The following DCUN1D3 variants were observed in gnomAD, a reference collection of about 807,000 sequenced individuals.
DCUN1D3 encodes defective in cullin neddylation 1 domain containing 3, also known as DCN1-like protein 3.
In DCUN1D3, 6 loss-of-function variants were observed where a neutral mutation model predicts 24.8. That is an observed-to-expected ratio of 0.24 (90% confidence interval 0.13 to 0.48). DCUN1D3 has a LOEUF of 0.48. Ranked by LOEUF, DCUN1D3 falls within the 20% of genes least tolerant of loss-of-function variation. DCUN1D3 has a pLI of 0.99. For missense variants in DCUN1D3, 258 were observed against 379.4 expected, an observed-to-expected ratio of 0.68 and a Z score of 2.66; for synonymous variants, 120 against 144.9, an observed-to-expected ratio of 0.83 and a Z score of 1.24.
Position 20,855,652 on chromosome 16 carries a change from A to T in DCUN1D3, c.*4234T>A, listed in dbSNP as rs1057008887. On this transcript the variant is annotated 3_prime_UTR_variant, in exon 3 of 3. Coordinates refer to ENST00000324344, the MANE Select transcript of DCUN1D3 (RefSeq NM_173475.4). ...TCTATTTCATCTTTCGAAAAGGGGG[A>T]AAACCCCTGCCGATCCTCACCAACA... 6.6e-6 allele frequency: 1 copy of T among 152,188 alleles called. No individual in the cohort carries two copies. The highest frequency in any genetic ancestry group is 2.4e-5 in the African/African-American group (1 of 41,436). The allele number at this position is 152,188 out of a possible 1,614,324, so 9.4% of individuals were successfully genotyped here.
intron 1 of DCUN1D3, among the ~76,000 whole-genome samples, chr16:20,889,031 C>G (rs1227761642): frequency 1.3e-5 from 2 of 152,134 alleles, no homozygotes; most frequent in South Asian, 2.1e-4. Context: ...AATTCGAGAC[C>G]AGTCTGGCCA....
chr16:20,883,183 T>A (rs2081852871), intron 1 of DCUN1D3, among the ~76,000 whole-genome samples: 1 of 152,194 alleles, frequency 6.6e-6, no homozygotes. Flanking sequence ...GTTTCAGAGT[T>A]TCAGTAACTT....
chr16:20,856,633 G>A lies in DCUN1D3; in HGVS notation c.*3253C>T, dbSNP rs1000391026. ...GGTTTCCTGGACCCAACTCACACAG[G>A]TGGGCAGCACTTCAGCTGCTGAGAC... On this transcript the variant is annotated 3_prime_UTR_variant, in exon 3 of 3. Transcript: ENST00000324344. 1.3e-5 allele frequency: 2 copies of A among 152,126 alleles called. No homozygotes were observed. Among genetic ancestry groups the A allele is most frequent in the South Asian group, 2.1e-4 (1 of 4,826 alleles). 9.4% of individuals were successfully genotyped at this position (152,126 alleles called of 1,614,324 possible). A position where few individuals can be genotyped will look rare whatever the true frequency, so the allele number is the denominator to read the frequency against.
At chr16:20,875,210 G>GCACACACACACACA (rs3222584) in intron 1 of DCUN1D3, among the ~76,000 whole-genome samples, 8 of 140,256 alleles carry the variant, frequency 5.7e-5, no homozygotes, top group Non-Finnish European at 7.8e-5. Context: ...GTGCGCTCAT[G>GCACACACACACACA]CACACACACA....
intron 1 of DCUN1D3, among the ~76,000 whole-genome samples, chr16:20,864,691 G>A (rs180905265): frequency 1.3e-5 from 2 of 152,270 alleles, no homozygotes; most frequent in Admixed American, 6.5e-5. Context: ...ACACGCATGC[G>A]AATGTTCACT....
chr16:20,884,154 G>T (rs2081858098), intron 1 of DCUN1D3, among the ~76,000 whole-genome samples: 1 of 152,100 alleles, frequency 6.6e-6, no homozygotes, highest in South Asian at 2.1e-4. Context: ...TAAATGTGTG[G>T]TCTCGAATGC....
intron 1 of DCUN1D3, among the ~76,000 whole-genome samples, chr16:20,885,909 G>T (rs1233755634): frequency 1.3e-5 from 2 of 152,080 alleles, no homozygotes; most frequent in Non-Finnish European, 2.9e-5. Context: ...AAGCAATTAG[G>T]CTTTTTCTCC....
chr16:20,898,901 T>A (rs1384227693), intron 1 of DCUN1D3, among the ~76,000 whole-genome samples: 1 of 152,238 alleles, frequency 6.6e-6, no homozygotes. Flanking sequence ...TGATTTTTTT[T>A]AAACCAACAG....
intron 1 of DCUN1D3, among the ~76,000 whole-genome samples, chr16:20,887,046 G>T (rs2081870873): frequency 6.6e-6 from 1 of 152,198 alleles, no homozygotes; most frequent in Non-Finnish European, 1.5e-5. Context: ...GGGCGCTGTG[G>T]CTCACACCTG....
chr16:20,896,502 G>A lies in DCUN1D3; in HGVS notation c.-106+3702C>T, dbSNP rs920386045. ...CCAAACACAATTAGTAGCCAATGTA[G>A]GAGACAATGGCTTCTCCTTGTGTTC... On this transcript the variant is annotated intron_variant, in intron 1 of 2. Transcript: ENST00000324344. 3 of 152,266 alleles carry A rather than the reference G, an allele frequency of 2.0e-5. No individual in the cohort carries two copies. In the East Asian group the frequency reaches 5.8e-4, roughly 29 times the overall value. The allele number at this position is 152,266 out of a possible 1,614,324, so 9.4% of individuals were successfully genotyped here.
At position 20,859,552 on chromosome 16, in the gene DCUN1D3, A is replaced by AAAC. The variant is rs1555496325; in HGVS notation, c.*333_*334insGTT. 1.8e-4 allele frequency: 32 copies of AAAC among 174,956 alleles called. No individual in the cohort carries two copies. The highest frequency in any genetic ancestry group is 7.7e-4 in the African/African-American group (31 of 40,122). The allele number at this position is 174,956 out of a possible 1,614,324, so 10.8% of individuals were successfully genotyped here. A position where few individuals can be genotyped will look rare whatever the true frequency, so the allele number is the denominator to read the frequency against. ...TGCCCTCCCCTACCAAAAAAAAAAAAAAAAAAACAAAAAAAAACAAAAAAA... is the reference window on the plus strand; with the variant it reads ...TGCCCTCCCCTACCAAAAAAAAAAAAAACAAAAAAACAAAAAAAAACAAAAAAA... On this transcript the variant is annotated 3_prime_UTR_variant, in exon 3 of 3. Coordinates refer to ENST00000324344, the MANE Select transcript of DCUN1D3 (RefSeq NM_173475.4).
chr16:20,886,369 CT>C (rs1185464803), intron 1 of DCUN1D3, among the ~76,000 whole-genome samples: 6 of 152,178 alleles, frequency 3.9e-5, no homozygotes, highest in Non-Finnish European at 8.8e-5. Flanking sequence ...ACCATCCCAT[CT>C]ACTGTTCACC....
chr16:20,898,501 C>T (rs2081930419), intron 1 of DCUN1D3, among the ~76,000 whole-genome samples: 1 of 152,166 alleles, frequency 6.6e-6, no homozygotes, highest in East Asian at 1.9e-4. Context: ...GAACTGTGAA[C>T]TTTTTAGTCA....
At chr16:20,879,249 ATAAAAAATAGTACCGGCTTGTT>A (rs1399421846) in intron 1 of DCUN1D3, among the ~76,000 whole-genome samples, 1 of 152,240 alleles carries the variant, frequency 6.6e-6, no homozygotes, top group African/African-American at 2.4e-5. Context: ...TCAGTGAGTC[ATAAAAAATAGTACCGGCTTGTT>A]TAACAGTGAT....
intron 1 of DCUN1D3, among the ~76,000 whole-genome samples, chr16:20,884,507 A>T (rs2081859746): frequency 6.6e-6 from 1 of 152,212 alleles, no homozygotes; most frequent in South Asian, 2.1e-4. Flanking sequence ...CCTGACATCT[A>T]CAAGTAAGGT....
chr16:20,870,604 A>AG lies in DCUN1D3; in HGVS notation c.-105-7962dup, dbSNP rs571043613. On this transcript the variant is annotated intron_variant, in intron 1 of 2. Coordinates refer to ENST00000324344, the MANE Select transcript of DCUN1D3 (RefSeq NM_173475.4). ...ACAGGAGGCAAATGCTGGCACCAAAAGTCAGTGTCAGCAAAGCACTTGAGA... is the reference window on the plus strand; with the variant it reads ...ACAGGAGGCAAATGCTGGCACCAAAAGGTCAGTGTCAGCAAAGCACTTGAGA... Among the ~76,000 whole-genome samples, 736 of 152,338 alleles carry AG rather than the reference A, an allele frequency of 4.8e-3. 4 individuals carry two copies. The highest frequency in any genetic ancestry group is 0.027 in the Middle Eastern group (8 of 294).
At chr16:20,892,659 T>G (rs147852163) in intron 1 of DCUN1D3, among the ~76,000 whole-genome samples, 1 of 152,046 alleles carries the variant, frequency 6.6e-6, no homozygotes, top group Non-Finnish European at 1.5e-5. Flanking sequence ...TCACAGGAAA[T>G]GGAAGTCTGG....
intron 1 of DCUN1D3, among the ~76,000 whole-genome samples, chr16:20,882,990 T>A (rs2081851956): frequency 9.7e-6 from 1 of 102,948 alleles, no homozygotes; most frequent in Non-Finnish European, 2.0e-5. Flanking sequence ...TGAGTATCCC[T>A]TATCCCAAAT....
rs1313793734 is a variant in DCUN1D3 at position 20,855,659 on chromosome 16, C to T, written c.*4227G>A. 6.6e-6 allele frequency: 1 copy of T among 152,200 alleles called. No individual in the cohort carries two copies. The highest frequency in any genetic ancestry group is 1.5e-5 in the Non-Finnish European group (1 of 68,046). 9.4% of individuals were successfully genotyped at this position (152,200 alleles called of 1,614,324 possible). A position where few individuals can be genotyped will look rare whatever the true frequency, so the allele number is the denominator to read the frequency against. On this transcript the variant is annotated 3_prime_UTR_variant, in exon 3 of 3. Transcript: ENST00000324344. ...CATCTTTCGAAAAGGGGGAAAACCC[C>T]TGCCGATCCTCACCAACATGCAGTC... is the stretch of plus-strand genomic sequence containing the variant.
Sources: allele counts gnomAD v4.1 joint callset (sites outside exome capture counted in the v4.1 genomes callset), GRCh38; gene constraint gnomAD v4.1.1; transcripts MANE v1.5; gene names NCBI Gene and HGNC (gene_info 2026-07-23, HGNC 2026-07-21).